Variants in CSMD1 observed in about 807,000 individuals in gnomAD.
The protein encoded by CSMD1 is CUB and sushi domain-containing protein 1.
CSMD1 carries 213 observed loss-of-function variants against 417.5 expected under a neutral mutation model. The ratio of observed to expected loss-of-function variants is 0.51; its 90% CI spans 0.46 to 0.57. The LOEUF (loss-of-function observed/expected upper bound fraction) is 0.57, where lower values mean the gene tolerates loss of function less well. Ranked by LOEUF, CSMD1 falls within the 20% of genes least tolerant of loss-of-function variation. CSMD1 has a pLI of 0.00. For synonymous variants in CSMD1, 2,862 were observed against 1,736.8 expected (o/e 1.65, Z -16.11); for missense variants, 6,923 against 4,529.7 (o/e 1.53, Z -15.17).
chr8:2,966,805 AAC>A lies in CSMD1; in HGVS notation c.8924-61_8924-60del, dbSNP rs1804001393. The A allele has an allele frequency of 2.0e-6, 3 of 1,524,396 alleles. No individual in the cohort carries two copies. In the African/African-American group the frequency reaches 4.1e-5, roughly 21 times the overall value. The allele number at this position is 1,524,396 out of a possible 1,614,324, so 94.4% of individuals were successfully genotyped here. On this transcript the variant is annotated intron_variant, in intron 57 of 69. Coordinates refer to ENST00000635120, the MANE Select transcript of CSMD1 (RefSeq NM_033225.6). The stretch of plus-strand genomic sequence containing the variant: ...TGAGTGACCCAGCATGAAAATGGCA[AAC>A]ACAAGAGACCAATGGGTATCAGTGC...
intron 2 of CSMD1, among the ~76,000 whole-genome samples, chr8:4,537,107 T>G (rs1327641574): frequency 1.3e-5 from 2 of 152,200 alleles, no homozygotes; most frequent in African/African-American, 4.8e-5. Context: ...TGTGAACTAT[T>G]TTCAAATATG....
intron 3 of CSMD1, among the ~76,000 whole-genome samples, chr8:4,385,321 G>C (rs1803376159): frequency 6.6e-6 from 1 of 152,174 alleles, no homozygotes; most frequent in Non-Finnish European, 1.5e-5. Flanking sequence ...TAGTCTGACA[G>C]GCAGTCACCT....
intron 7 of CSMD1, among the ~76,000 whole-genome samples, chr8:3,665,156 A>C (rs994022668): frequency 1.3e-5 from 2 of 152,208 alleles, no homozygotes; most frequent in Non-Finnish European, 2.9e-5. Flanking sequence ...AGCATTGACC[A>C]ATGAGATAAA....
At chr8:4,489,865 G>A (rs1051105133) in intron 2 of CSMD1, among the ~76,000 whole-genome samples, 4 of 152,122 alleles carry the variant, frequency 2.6e-5, no homozygotes, top group Non-Finnish European at 5.9e-5. Context: ...AGGGTGCCCA[G>A]CCATGCCTTG....
chr8:4,370,474 C>T (rs114313340), intron 3 of CSMD1, among the ~76,000 whole-genome samples: 1,856 of 152,240 alleles, frequency 0.012, 34 homozygotes, highest in African/African-American at 0.042. Flanking sequence ...CTTGCATTTG[C>T]ATGGCAACTG....
chr8:4,343,395 G>A (rs1204246165), intron 3 of CSMD1, among the ~76,000 whole-genome samples: 5 of 151,950 alleles, frequency 3.3e-5, no homozygotes, highest in African/African-American at 1.2e-4. Flanking sequence ...TAAGAGAGCT[G>A]ACCTTAAGTG....
At chr8:4,110,400 T>C (rs1466049939) in intron 3 of CSMD1, among the ~76,000 whole-genome samples, 1 of 152,090 alleles carries the variant, frequency 6.6e-6, no homozygotes, top group Non-Finnish European at 1.5e-5. Flanking sequence ...GCAGAAAGAG[T>C]CAAAAATATA....
At chr8:3,789,390 G>GTT (rs67068655) in intron 5 of CSMD1, among the ~76,000 whole-genome samples, 3 of 136,542 alleles carry the variant, frequency 2.2e-5, no homozygotes, top group African/African-American at 8.4e-5. Context: ...TTTAAGTAGT[G>GTT]TTTTTTTTTT....
At chr8:3,078,404 T>C (rs1033342907) in intron 49 of CSMD1, among the ~76,000 whole-genome samples, 1 of 152,150 alleles carries the variant, frequency 6.6e-6, no homozygotes, top group African/African-American at 2.4e-5. Context: ...CATGCTGGAT[T>C]TTAGCACATG....
intron 7 of CSMD1, among the ~76,000 whole-genome samples, chr8:3,645,751 T>C (rs1415306570): frequency 6.6e-6 from 1 of 152,174 alleles, no homozygotes; most frequent in Non-Finnish European, 1.5e-5. Context: ...AGGCAAAAGT[T>C]AGGTTATTAT....
chr8:4,199,778 C>G (rs1799544932), intron 3 of CSMD1, among the ~76,000 whole-genome samples: 1 of 152,086 alleles, frequency 6.6e-6, no homozygotes, highest in Non-Finnish European at 1.5e-5. Flanking sequence ...TCAAGGATAA[C>G]ATGCTGTTTA....
intron 49 of CSMD1, among the ~76,000 whole-genome samples, chr8:3,083,202 GT>G (rs922162432): frequency 6.6e-6 from 1 of 151,978 alleles, no homozygotes; most frequent in African/African-American, 2.4e-5. Flanking sequence ...AAAAATGCTA[GT>G]TTTTTTAAAA....
chr8:3,761,042 A>G (rs942633684), intron 5 of CSMD1, among the ~76,000 whole-genome samples: 1 of 152,186 alleles, frequency 6.6e-6, no homozygotes, highest in African/African-American at 2.4e-5. Flanking sequence ...GTCAAAATTA[A>G]ATAGAACAAC....
At chr8:3,469,590 T>C (rs1816969581) in intron 11 of CSMD1, among the ~76,000 whole-genome samples, 1 of 152,078 alleles carries the variant, frequency 6.6e-6, no homozygotes, top group Non-Finnish European at 1.5e-5. Flanking sequence ...CATGTTGAAA[T>C]AGAAAAAGTG....
chr8:2,941,537 A>G (rs987580625), intron 69 of CSMD1, among the ~76,000 whole-genome samples: 1 of 152,216 alleles, frequency 6.6e-6, no homozygotes, highest in Non-Finnish European at 1.5e-5. Flanking sequence ...TGTATTATCC[A>G]TATATGGAAA....
chr8:3,985,525 C>T (rs569432296), intron 5 of CSMD1, among the ~76,000 whole-genome samples: 8 of 152,154 alleles, frequency 5.3e-5, no homozygotes, highest in South Asian at 4.1e-4. Context: ...CCAGATACAA[C>T]GAACACATCA....
intron 10 of CSMD1, among the ~76,000 whole-genome samples, chr8:3,541,380 G>C (rs914846038): frequency 6.6e-6 from 1 of 152,246 alleles, no homozygotes; most frequent in East Asian, 1.9e-4. Context: ...CTGTTGAGGG[G>C]AGCTGGGGAG....
intron 26 of CSMD1, among the ~76,000 whole-genome samples, chr8:3,259,147 T>C (rs1800872133): frequency 6.6e-6 from 1 of 152,218 alleles, no homozygotes; most frequent in Admixed American, 6.6e-5. Context: ...GCTAGGGCCA[T>C]ATTGAGCTGA....
chr8:3,465,364 G>A (rs138846896), intron 12 of CSMD1, among the ~76,000 whole-genome samples: 1 of 152,174 alleles, frequency 6.6e-6, no homozygotes, highest in African/African-American at 2.4e-5. Flanking sequence ...GTTAGAGACA[G>A]CACAAATGGA....
Sources: gnomAD v4.1 joint callset for allele counts (sites outside exome capture counted in the v4.1 genomes callset) on GRCh38, gnomAD v4.1.1 for gene constraint, MANE v1.5 for transcripts, NCBI Gene and HGNC (gene_info 2026-07-23, HGNC 2026-07-21) for gene names.